ST8SIA4: variants seen among roughly 807,000 people sequenced by gnomAD.
ST8SIA4 encodes ST8 alpha-N-acetyl-neuraminide alpha-2,8-sialyltransferase 4, also known as CMP-N-acetylneuraminate-poly-alpha-2,8-sialyltransferase.
ST8SIA4 carries 15 observed loss-of-function variants against 33.9 expected under a neutral mutation model. That is an observed-to-expected ratio of 0.44 (90% CI 0.30 to 0.68). The LOEUF is 0.68. Ranked by LOEUF, ST8SIA4 falls within the 30% of genes least tolerant of loss-of-function variation. The pLI is 0.10. For missense variants in ST8SIA4, 321 were observed against 428.0 expected (o/e 0.75, Z 2.21); for synonymous variants, 171 against 151.2 (o/e 1.13, Z -0.96).
intron 4 of ST8SIA4, among the ~76,000 whole-genome samples, chr5:100,842,530 C>T (rs912564371): frequency 2.6e-5 from 4 of 151,726 alleles, no homozygotes; most frequent in Non-Finnish European, 4.4e-5. Flanking sequence ...CAACACTATC[C>T]CCAGTTTTTA....
At chr5:100,828,177 G>A (rs1366174007) in intron 4 of ST8SIA4, among the ~76,000 whole-genome samples, 3 of 152,078 alleles carry the variant, frequency 2.0e-5, no homozygotes, top group Non-Finnish European at 4.4e-5. Flanking sequence ...TGGGGTTCTG[G>A]GGGAGTTTTC....
intron 3 of ST8SIA4, among the ~76,000 whole-genome samples, chr5:100,858,848 CT>C (rs1751873247): frequency 6.6e-6 from 1 of 152,058 alleles, no homozygotes; most frequent in Non-Finnish European, 1.5e-5. Context: ...CACAATCAGA[CT>C]TTGTCAAGGA....
At chr5:100,901,086 G>C (rs2112489346) in intron 1 of ST8SIA4, among the ~76,000 whole-genome samples, 1 of 152,370 alleles carries the variant, frequency 6.6e-6, no homozygotes, top group South Asian at 2.1e-4. Flanking sequence ...AGCCGGCAAC[G>C]TCCAGGAAAG....
At chr5:100,889,307 TAG>T (rs1474723850) in intron 2 of ST8SIA4, among the ~76,000 whole-genome samples, 1 of 151,812 alleles carries the variant, frequency 6.6e-6, no homozygotes, top group East Asian at 1.9e-4. Context: ...GGCTCTAAAA[TAG>T]AGACTACACG....
At chr5:100,864,204 A>G (rs1261740556) in intron 3 of ST8SIA4, among the ~76,000 whole-genome samples, 1 of 152,234 alleles carries the variant, frequency 6.6e-6, no homozygotes, top group Admixed American at 6.5e-5. Flanking sequence ...CTGGTTGTCA[A>G]TGTATAGTTG....
At chr5:100,817,550 T>A (rs1750955670) in intron 4 of ST8SIA4, among the ~76,000 whole-genome samples, 1 of 152,230 alleles carries the variant, frequency 6.6e-6, no homozygotes, top group African/African-American at 2.4e-5. Context: ...TCTGCTGTTT[T>A]CTTCCCTACT....
intron 3 of ST8SIA4, among the ~76,000 whole-genome samples, chr5:100,869,923 G>A (rs1261244734): frequency 6.6e-6 from 1 of 152,136 alleles, no homozygotes; most frequent in Non-Finnish European, 1.5e-5. Flanking sequence ...ATGTATACAT[G>A]TGCCATGTTG....
chr5:100,897,004 A>G (rs900004938), intron 1 of ST8SIA4, among the ~76,000 whole-genome samples: 4 of 152,168 alleles, frequency 2.6e-5, no homozygotes, highest in African/African-American at 9.6e-5. Context: ...TGAAAATTAC[A>G]ATAACTTTAT....
chr5:100,880,281 T>G (rs59030588), intron 3 of ST8SIA4, among the ~76,000 whole-genome samples: 63,467 of 151,974 alleles, frequency 0.42, 13,894 homozygotes, highest in African/African-American at 0.54. Context: ...AAACAATAAA[T>G]AAATAAACAT....
chr5:100,897,104 C>G (rs965969913), intron 1 of ST8SIA4, among the ~76,000 whole-genome samples: 1 of 152,100 alleles, frequency 6.6e-6, no homozygotes, highest in African/African-American at 2.4e-5. Context: ...AACATCTCAA[C>G]GAGTCACTTC....
At chr5:100,852,428 T>A (rs1751724428) in intron 4 of ST8SIA4, among the ~76,000 whole-genome samples, 1 of 133,518 alleles carries the variant, frequency 7.5e-6, no homozygotes, top group Non-Finnish European at 1.6e-5. Context: ...GGCCCAAAAT[T>A]GCTCCATTCT....
intron 4 of ST8SIA4, among the ~76,000 whole-genome samples, chr5:100,828,095 T>C (rs1331981202): frequency 6.6e-6 from 1 of 152,160 alleles, no homozygotes; most frequent in Non-Finnish European, 1.5e-5. Flanking sequence ...AGAGCAAACC[T>C]GCGATTGCAA....
intron 3 of ST8SIA4, among the ~76,000 whole-genome samples, chr5:100,862,661 C>T: frequency 6.6e-6 from 1 of 152,126 alleles, no homozygotes; most frequent in East Asian, 1.9e-4. Flanking sequence ...CTCTGCCTCC[C>T]AAGTAGCTGG....
At chr5:100,850,424 A>T (rs112480692) in intron 4 of ST8SIA4, among the ~76,000 whole-genome samples, 2,875 of 151,968 alleles carry the variant, frequency 0.019, 97 homozygotes, top group African/African-American at 0.067. Flanking sequence ...CTTTTGTTAT[A>T]GTAGAATTTA....
At chr5:100,856,439 A>C in intron 3 of ST8SIA4, 43 bp from the exon 4 acceptor site, 1 of 1,536,606 alleles carries the variant, frequency 6.5e-7, no homozygotes, top group Non-Finnish European at 8.8e-7. Context: ...AAAAAAAGAA[A>C]TATTCACTGG....
chr5:100,833,194 T>C (rs905381197), intron 4 of ST8SIA4, among the ~76,000 whole-genome samples: 4 of 152,154 alleles, frequency 2.6e-5, no homozygotes, highest in African/African-American at 7.2e-5. Flanking sequence ...TTAAACTAAC[T>C]GATCTTTACA....
At chr5:100,834,895 T>C (rs1047642373) in intron 4 of ST8SIA4, among the ~76,000 whole-genome samples, 11 of 152,084 alleles carry the variant, frequency 7.2e-5, no homozygotes, top group Admixed American at 3.9e-4. Context: ...CATGAACCAA[T>C]TAAATCCCTT....
chr5:100,870,091 G>A (rs1477886220), intron 3 of ST8SIA4, among the ~76,000 whole-genome samples: 1 of 152,172 alleles, frequency 6.6e-6, no homozygotes, highest in Non-Finnish European at 1.5e-5. Context: ...GTGAGAACAT[G>A]CGGAGTTTGG....
chr5:100,870,144 G>T (rs1322758494), intron 3 of ST8SIA4, among the ~76,000 whole-genome samples: 1 of 152,096 alleles, frequency 6.6e-6, no homozygotes, highest in Non-Finnish European at 1.5e-5. Flanking sequence ...ATGGTTTCCA[G>T]CTTCATCCAT....
Sources: allele counts gnomAD v4.1 joint callset (sites outside exome capture counted in the v4.1 genomes callset), GRCh38; gene constraint gnomAD v4.1.1; transcripts MANE v1.5; gene names NCBI Gene and HGNC (gene_info 2026-07-23, HGNC 2026-07-21).